FSAF1: variants seen among roughly 807,000 people sequenced by gnomAD.
FSAF1 encodes the protein uncharacterized protein C1orf131.
chr1:231,238,427 T>C, the FSAF1 span: 1 of 158,682 alleles, frequency 6.3e-6, no homozygotes. Context: ...GCTGTAAGAG[T>C]TAACTCAGCA....
the FSAF1 span, chr1:231,226,932 T>A: frequency 6.2e-7 from 1 of 1,611,820 alleles, no homozygotes; most frequent in Non-Finnish European, 8.5e-7. Context: ...TTGCTTTTTT[T>A]GCATGTTGTC....
the FSAF1 span, chr1:231,224,587 G>C: frequency 1.7e-6 from 1 of 594,064 alleles, no homozygotes; most frequent in Non-Finnish European, 2.8e-6. Flanking sequence ...CTGCCTTCCT[G>C]CCTCAGGGCC....
chr1:231,237,984 C>G, the FSAF1 span: 1 of 152,334 alleles, frequency 6.6e-6, no homozygotes, highest in African/African-American at 2.4e-5. Context: ...AGATCAAGAC[C>G]ATCCTGGCTA....
the FSAF1 span, chr1:231,225,759 G>T: frequency 0.34 from 174,891 of 513,616 alleles, 30,398 homozygotes; most frequent in Admixed American, 0.43. Flanking sequence ...GAAGCCAAGG[G>T]GGGAGGATCA....
At chr1:231,225,101 C>T in the FSAF1 span, 1 of 231,658 alleles carries the variant, frequency 4.3e-6, no homozygotes. Context: ...ACAAAGTCAA[C>T]ATCCCTTATT....
At chr1:231,240,621 T>C in the FSAF1 span, among the ~76,000 whole-genome samples, 1 of 151,864 alleles carries the variant, frequency 6.6e-6, no homozygotes, top group Non-Finnish European at 1.5e-5. This position sits in a 1 kb window ranked among gnomAD's most constrained non-coding sequence, Gnocchi z 4.1. Context: ...GCTGGTGTAT[T>C]ATCCAACAGG....
the FSAF1 span, among the ~76,000 whole-genome samples, chr1:231,239,532 T>C: frequency 6.6e-6 from 1 of 152,244 alleles, no homozygotes; most frequent in Non-Finnish European, 1.5e-5. Flanking sequence ...GCAGCCACTG[T>C]TTCTTTTTAA....
At chr1:231,231,496 T>C in the FSAF1 span, among the ~76,000 whole-genome samples, 1 of 152,166 alleles carries the variant, frequency 6.6e-6, no homozygotes, top group Non-Finnish European at 1.5e-5. Flanking sequence ...GTCTCTAAGT[T>C]GAACATTTCT....
At chr1:231,226,857 A>C in the FSAF1 span, 2 of 1,591,302 alleles carry the variant, frequency 1.3e-6, no homozygotes, top group Middle Eastern at 3.3e-4. Context: ...ACAAACCATC[A>C]TATTTTATTC....
the FSAF1 span, chr1:231,224,354 T>A: frequency 1.2e-6 from 2 of 1,613,688 alleles, no homozygotes; most frequent in Non-Finnish European, 1.7e-6. Flanking sequence ...TTTTGAATTT[T>A]CCAACCTGTC....
the FSAF1 span, chr1:231,238,915 AC>A: frequency 6.2e-7 from 1 of 1,614,120 alleles, no homozygotes; most frequent in East Asian, 2.2e-5. Context: ...GTGAAATTCT[AC>A]CACTTCTACT....
chr1:231,238,620 T>G, the FSAF1 span: 1 of 426,574 alleles, frequency 2.3e-6, no homozygotes, highest in Non-Finnish European at 4.2e-6. Flanking sequence ...AGCAATGTGA[T>G]TGATGGTGAA....
the FSAF1 span, chr1:231,225,801 C>T: frequency 2.3e-6 from 1 of 431,772 alleles, no homozygotes; most frequent in Non-Finnish European, 4.2e-6. Context: ...CCAGCCTGGG[C>T]AACACAGCAA....
the FSAF1 span, chr1:231,229,353 AC>A: frequency 2.0e-6 from 1 of 489,814 alleles, no homozygotes; most frequent in Non-Finnish European, 3.6e-6. Context: ...CCAGAAAATA[AC>A]AAGTGTTGGC....
chr1:231,226,621 G>C, the FSAF1 span: 1 of 899,632 alleles, frequency 1.1e-6, no homozygotes, highest in Non-Finnish European at 1.8e-6. Context: ...GGGAGCATGG[G>C]ATCCTTTAAC....
chr1:231,239,328 T>C, the FSAF1 span: 1 of 705,780 alleles, frequency 1.4e-6, no homozygotes, highest in South Asian at 3.4e-5. Flanking sequence ...CTATTTGTTT[T>C]CTTTCAAATA....
At chr1:231,240,425 A>G in the FSAF1 span, among the ~76,000 whole-genome samples, 1 of 152,182 alleles carries the variant, frequency 6.6e-6, no homozygotes. This position sits in a 1 kb window ranked among gnomAD's most constrained non-coding sequence, Gnocchi z 4.1. Flanking sequence ...TCTTCAGAGT[A>G]TGAGGCACTG....
At chr1:231,235,004 T>C in the FSAF1 span, among the ~76,000 whole-genome samples, 3 of 152,226 alleles carry the variant, frequency 2.0e-5, no homozygotes, top group African/African-American at 7.2e-5. Context: ...TATTTGTTTA[T>C]AATTCTTTCT....
At chr1:231,232,159 T>C in the FSAF1 span, among the ~76,000 whole-genome samples, 1 of 152,336 alleles carries the variant, frequency 6.6e-6, no homozygotes, top group Middle Eastern at 3.4e-3. Context: ...AGTACATTAT[T>C]CATAATACAT....
Sources: gnomAD v4.1 joint callset for allele counts (sites outside exome capture counted in the v4.1 genomes callset) on GRCh38, gnomAD v4.1.1 for gene constraint, Gnocchi (gnomAD v3.1) non-coding constraint, MANE v1.5 for transcripts, NCBI Gene and HGNC (gene_info 2026-07-23, HGNC 2026-07-21) for gene names.